KIF2A: variants seen among roughly 807,000 people sequenced by gnomAD.
KIF2A encodes kinesin-like protein KIF2A.
KIF2A carries 22 observed loss-of-function variants against 100.2 expected under a neutral mutation model. The observed-to-expected ratio is 0.22, with a 90% CI of 0.16 to 0.31. KIF2A has a LOEUF of 0.31. Among genes scored for constraint, KIF2A ranks in the 10% least tolerant of loss-of-function variants. KIF2A has a pLI of 1.00. For missense variants in KIF2A, 495 were observed against 898.7 expected (o/e 0.55, Z 5.74); for synonymous variants, 268 against 285.9 (o/e 0.94, Z 0.63).
chr5:62,375,595 A>T (rs1741502200), intron 18 of KIF2A, among the ~76,000 whole-genome samples: 1 of 152,122 alleles, frequency 6.6e-6, no homozygotes, highest in South Asian at 2.1e-4. Flanking sequence ...AAACAATGTT[A>T]GTTAGTTCTA....
rs563688530 is a variant in KIF2A, at chr5:62,358,368, C to A, written c.872+69C>A. Reference sequence around the variant, plus strand: ...GTGGTCATCAGCACCTTGAAATTTACATTGATTGTGGGATATTTCTTAAGA... The same window carrying A: ...GTGGTCATCAGCACCTTGAAATTTAAATTGATTGTGGGATATTTCTTAAGA... On this transcript the variant is annotated intron_variant, in intron 9 of 20. Transcript: ENST00000407818. 831 of 999,698 alleles carry A rather than the reference C, an allele frequency of 8.3e-4. 8 individuals are homozygous for A. In the African/African-American group the frequency reaches 0.011, roughly 14 times the overall value. The allele number at this position is 999,698 out of a possible 1,614,324, so 61.9% of individuals were successfully genotyped here.
At chr5:62,369,467 C>T (rs1263309457) in intron 16 of KIF2A, among the ~76,000 whole-genome samples, 2 of 152,130 alleles carry the variant, frequency 1.3e-5, no homozygotes, top group African/African-American at 4.8e-5. Context: ...GGAAGTTGCC[C>T]CCATGATTCA....
At chr5:62,333,332 T>TGTGAGGCTGAGGCGGCAGTCG (rs1482211560) in intron 1 of KIF2A, among the ~76,000 whole-genome samples, 6 of 152,098 alleles carry the variant, frequency 3.9e-5, no homozygotes, top group Middle Eastern at 3.4e-3. Flanking sequence ...CAAAACTGTT[T>TGTGAGGCTGAGGCGGCAGTCG]GTGAGGCTGA....
chr5:62,384,156 G>C (rs1741911986), intron 20 of KIF2A, among the ~76,000 whole-genome samples: 1 of 152,278 alleles, frequency 6.6e-6, no homozygotes, highest in East Asian at 1.9e-4. Context: ...AGAATCACTT[G>C]AACCCGGGGC....
chr5:62,317,782 T>C (rs16890630), intron 1 of KIF2A, among the ~76,000 whole-genome samples: 7,416 of 152,284 alleles, frequency 0.049, 572 homozygotes, highest in African/African-American at 0.17. Flanking sequence ...AGGACTTTTC[T>C]CTAGAAGAAG....
chr5:62,343,288 A>AC (rs1325973211), intron 1 of KIF2A, among the ~76,000 whole-genome samples: 5 of 151,670 alleles, frequency 3.3e-5, no homozygotes, highest in African/African-American at 9.7e-5. Context: ...AATTTCACCC[A>AC]CCCCCAGCAC....
At chr5:62,358,063 A>G in intron 8 of KIF2A, 74 bp from the exon 9 acceptor site, 2 of 1,126,168 alleles carry the variant, frequency 1.8e-6, no homozygotes, top group Non-Finnish European at 2.5e-6. Flanking sequence ...AGTTCTTACT[A>G]CTTAAAATAA....
chr5:62,348,306 T>G, intron 3 of KIF2A, 139 bp downstream of exon 3: 1 of 739,320 alleles, frequency 1.4e-6, no homozygotes, highest in Non-Finnish European at 2.2e-6. Context: ...CATATTCATA[T>G]ATATACATAC....
intron 1 of KIF2A, among the ~76,000 whole-genome samples, chr5:62,316,212 C>G (rs1239060844): frequency 1.3e-5 from 2 of 152,180 alleles, no homozygotes; most frequent in Non-Finnish European, 2.9e-5. Context: ...TAAGCTATAA[C>G]TAAGTACTTT....
intron 15 of KIF2A, 148 bp downstream of exon 15, chr5:62,365,501 A>G: frequency 1.9e-6 from 1 of 515,802 alleles, no homozygotes; most frequent in Non-Finnish European, 3.4e-6. Context: ...GGTCCCTGCC[A>G]CTCTGATAGA....
At chr5:62,356,704 C>T (rs192773418) in intron 7 of KIF2A, among the ~76,000 whole-genome samples, 1 of 152,014 alleles carries the variant, frequency 6.6e-6, no homozygotes, top group Non-Finnish European at 1.5e-5. Flanking sequence ...TCCCTATGAT[C>T]AACCTATGAA....
At chr5:62,310,773 C>G (rs1745517784) in intron 1 of KIF2A, among the ~76,000 whole-genome samples, 1 of 152,158 alleles carries the variant, frequency 6.6e-6, no homozygotes, top group Non-Finnish European at 1.5e-5. Flanking sequence ...TTACATGTGT[C>G]TTCCTATTTT....
Position 62,315,519 on chromosome 5 carries a change from C to T in KIF2A, c.64+8983C>T, listed in dbSNP as rs182406848. Among the ~76,000 whole-genome samples, 92 of 152,284 alleles carry T rather than the reference C, an allele frequency of 6.0e-4. 2 individuals are homozygous for T. The highest frequency in any genetic ancestry group is 1.9e-3 in the South Asian group (9 of 4,824). ...AAATGGTGAGAGGAAGATGACCAGT[C>T]GGTTGCCCTGAGGGCAAGGAGGCAT... On this transcript the variant is annotated intron_variant, in intron 1 of 20. Transcript: ENST00000407818.
Position 62,390,888 on chromosome 5 carries a change from T to A in KIF2A, c.*5319T>A, listed in dbSNP as rs1300676133. ...AAAATGTAATTACCTGATGAAGTCATCTATGTCCATGGAACGGGCCCGTTT... is the reference window on the plus strand; with the variant it reads ...AAAATGTAATTACCTGATGAAGTCAACTATGTCCATGGAACGGGCCCGTTT... On this transcript the variant is annotated 3_prime_UTR_variant, in exon 21 of 21. Transcript: ENST00000407818. 3 of 1,611,852 alleles carry A rather than the reference T, an allele frequency of 1.9e-6. No individual in the cohort carries two copies. The highest frequency in any genetic ancestry group is 2.5e-6 in the Non-Finnish European group (3 of 1,179,682).
intron 7 of KIF2A, 69 bp downstream of exon 7, chr5:62,355,323 C>T: frequency 1.3e-6 from 1 of 794,788 alleles, no homozygotes; most frequent in Non-Finnish European, 2.2e-6. Context: ...TTGACACTTG[C>T]TAAATTCATA....
Position 62,362,537 on chromosome 5 carries a change from GA to G in KIF2A, c.1118del (p.Lys373ArgfsTer6). ...VYATFFEIYS[G>X]KVFDLLNRKT... The stretch of plus-strand genomic sequence containing the variant: ...GCAACCTTCTTTGAAATTTATAGTG[GA>G]AAGGTAAGTGGGAACTTTTTTAATT... On this transcript the variant is annotated frameshift_variant, in exon 12 of 21. Coordinates refer to ENST00000407818, the MANE Select transcript of KIF2A (RefSeq NM_001098511.3). LOFTEE classifies it high-confidence loss of function. 2 of 1,387,616 alleles carry G rather than the reference GA, an allele frequency of 1.4e-6. No homozygotes were observed. Among genetic ancestry groups the G allele is most frequent in the Middle Eastern group, 1.8e-4 (1 of 5,426 alleles). 86.0% of individuals were successfully genotyped at this position (1,387,616 alleles called of 1,614,324 possible).
intron 15 of KIF2A, 50 bp from the exon 16 acceptor site, chr5:62,366,364 T>C: frequency 8.6e-7 from 1 of 1,162,514 alleles, no homozygotes; most frequent in Non-Finnish European, 1.3e-6. Context: ...TATTATTGTC[T>C]TGATCATTTA....
intron 18 of KIF2A, among the ~76,000 whole-genome samples, chr5:62,374,523 A>G (rs1038924928): frequency 1.3e-5 from 2 of 152,062 alleles, no homozygotes; most frequent in Admixed American, 1.3e-4. Context: ...ACAACTTCCA[A>G]CTCCCAATCT....
At chr5:62,344,258 C>T (rs1022865482) in intron 1 of KIF2A, among the ~76,000 whole-genome samples, 13 of 151,602 alleles carry the variant, frequency 8.6e-5, no homozygotes, top group Admixed American at 5.3e-4. Context: ...GCAGGAAAAT[C>T]GCTTGAACCT....
Sources: allele counts gnomAD v4.1 joint callset (sites outside exome capture counted in the v4.1 genomes callset), GRCh38; gene constraint gnomAD v4.1.1; transcripts MANE v1.5; gene names NCBI Gene and HGNC (gene_info 2026-07-23, HGNC 2026-07-21).